Variants in CSMD1 observed in about 807,000 individuals in gnomAD.
CSMD1 encodes CUB and sushi domain-containing protein 1.
In CSMD1, 213 loss-of-function variants were observed where a neutral mutation model predicts 417.5. The observed-to-expected ratio is 0.51, with a 90% CI of 0.46 to 0.57. The LOEUF (loss-of-function observed/expected upper bound fraction) is 0.57. Among genes scored for constraint, CSMD1 ranks in the 20% least tolerant of loss-of-function variants. The pLI is 0.00. For missense variants in CSMD1, 6,923 were observed against 4,529.7 expected (o/e 1.53, Z -15.17); for synonymous variants, 2,862 against 1,736.8 (o/e 1.65, Z -16.11).
chr8:2,941,790 C>T (rs931645256), intron 69 of CSMD1, among the ~76,000 whole-genome samples: 1 of 152,134 alleles, frequency 6.6e-6, no homozygotes, highest in African/African-American at 2.4e-5. Context: ...ATCAATGAAA[C>T]ATCTATCAAT....
At chr8:3,599,736 T>C (rs938134217) in intron 8 of CSMD1, among the ~76,000 whole-genome samples, 1 of 152,210 alleles carries the variant, frequency 6.6e-6, no homozygotes, top group Non-Finnish European at 1.5e-5. Flanking sequence ...ACCTATACCT[T>C]GCACTCCTCT....
intron 69 of CSMD1, among the ~76,000 whole-genome samples, chr8:2,940,594 G>C (rs1447316792): frequency 6.6e-6 from 1 of 152,200 alleles, no homozygotes; most frequent in African/African-American, 2.4e-5. Context: ...GCATTGACAG[G>C]GAAGTTTCTA....
At chr8:3,538,578 C>A (rs1052225582) in intron 10 of CSMD1, among the ~76,000 whole-genome samples, 6 of 152,268 alleles carry the variant, frequency 3.9e-5, no homozygotes, top group Admixed American at 3.9e-4. Flanking sequence ...GTTGCCTCCC[C>A]TGTGATTGTG....
rs200568017 is a variant in CSMD1 at position 4,897,681 on chromosome 8, C to CT, written c.85+96650dup. On this transcript the variant is annotated intron_variant, in intron 1 of 69. Transcript: ENST00000635120. ...TATACAGTATCTTAAGCCAGCACAA[C>CT]TTTTTTTTACATATTACTTAAATAC... Among the ~76,000 whole-genome samples the CT allele has an allele frequency of 8.4e-4, 127 of 152,074 alleles. 5 individuals are homozygous for CT. In the East Asian group the frequency reaches 0.015, roughly 18 times the overall value.
At chr8:3,157,786 G>A (rs1002741457) in intron 39 of CSMD1, 111 bp downstream of exon 39, 81 of 833,164 alleles carry the variant, frequency 9.7e-5, no homozygotes, top group Non-Finnish European at 1.4e-4. Context: ...TATATAACAC[G>A]TGTTTTGAAA....
intron 3 of CSMD1, among the ~76,000 whole-genome samples, chr8:4,079,653 T>C (rs1344122281): frequency 6.6e-6 from 1 of 152,222 alleles, no homozygotes; most frequent in East Asian, 1.9e-4. Context: ...ACACATTGTT[T>C]CAGCGTTCTT....
chr8:4,822,486 G>A (rs1206098020), intron 1 of CSMD1, among the ~76,000 whole-genome samples: 2 of 152,050 alleles, frequency 1.3e-5, no homozygotes, highest in Non-Finnish European at 1.5e-5. Context: ...GTAACCCGAT[G>A]GAGATGTTTC....
chr8:3,510,678 A>AAAAAAATTCC (rs1563107608), intron 10 of CSMD1, among the ~76,000 whole-genome samples: 1 of 151,378 alleles, frequency 6.6e-6, no homozygotes, highest in Non-Finnish European at 1.5e-5. Flanking sequence ...TAGAGGCAGG[A>AAAAAAATTCC]TTACTTTTTA....
chr8:3,027,578 T>C (rs966048788), intron 51 of CSMD1, among the ~76,000 whole-genome samples: 22 of 152,192 alleles, frequency 1.4e-4, no homozygotes, highest in African/African-American at 5.3e-4. Flanking sequence ...CACGATGACA[T>C]TCAAGGGACA....
intron 10 of CSMD1, among the ~76,000 whole-genome samples, chr8:3,494,713 G>A (rs1002829216): frequency 4.1e-5 from 6 of 146,420 alleles, no homozygotes; most frequent in Non-Finnish European, 9.1e-5. Flanking sequence ...AGAGAGAGAT[G>A]TAACAAGAGA....
At chr8:4,082,038 G>T (rs779457041) in intron 3 of CSMD1, among the ~76,000 whole-genome samples, 8 of 152,044 alleles carry the variant, frequency 5.3e-5, no homozygotes, top group Non-Finnish European at 1.2e-4. Context: ...GAGAAATTAG[G>T]AAAGCCAAAG....
intron 10 of CSMD1, among the ~76,000 whole-genome samples, chr8:3,550,231 A>C (rs1300690207): frequency 2.6e-5 from 4 of 152,122 alleles, no homozygotes; most frequent in Non-Finnish European, 4.4e-5. Flanking sequence ...CTCTTCCTTT[A>C]GAATACATCC....
At chr8:4,898,743 T>G (rs147587412) in intron 1 of CSMD1, among the ~76,000 whole-genome samples, 3 of 152,188 alleles carry the variant, frequency 2.0e-5, no homozygotes, top group Non-Finnish European at 4.4e-5. Context: ...CTGACTTTCA[T>G]GTAAATTTAG....
At chr8:3,681,971 G>C (rs1176623611) in intron 7 of CSMD1, among the ~76,000 whole-genome samples, 5 of 152,146 alleles carry the variant, frequency 3.3e-5, no homozygotes, top group Non-Finnish European at 7.4e-5. Context: ...ATGGTGCTGG[G>C]AAAACTGGCT....
intron 7 of CSMD1, among the ~76,000 whole-genome samples, chr8:3,662,671 C>G (rs1190398110): frequency 6.6e-6 from 1 of 152,134 alleles, no homozygotes; most frequent in Non-Finnish European, 1.5e-5. Context: ...GAAGAACAAT[C>G]AGTTCATGTC....
chr8:4,177,431 G>C (rs1015162174), intron 3 of CSMD1, among the ~76,000 whole-genome samples: 25 of 152,018 alleles, frequency 1.6e-4, no homozygotes, highest in African/African-American at 5.1e-4. Context: ...ATTCAAAGCA[G>C]TGTGTAGAGG....
intron 1 of CSMD1, among the ~76,000 whole-genome samples, chr8:4,660,448 C>T (rs1284396830): frequency 1.3e-5 from 2 of 151,930 alleles, no homozygotes; most frequent in Non-Finnish European, 2.9e-5. Context: ...TCAATGATCC[C>T]AAAATTGACA....
chr8:3,703,713 T>A (rs186216923), intron 7 of CSMD1, among the ~76,000 whole-genome samples: 3 of 152,308 alleles, frequency 2.0e-5, no homozygotes, highest in East Asian at 3.9e-4. Flanking sequence ...GGCACTTTCA[T>A]CTTTCAAGTG....
At chr8:4,748,596 G>A (rs1408578758) in intron 1 of CSMD1, among the ~76,000 whole-genome samples, 1 of 152,192 alleles carries the variant, frequency 6.6e-6, no homozygotes, top group Non-Finnish European at 1.5e-5. Flanking sequence ...GACTCACGGG[G>A]AGAAATCATA....
Sources: allele counts gnomAD v4.1 joint callset (sites outside exome capture counted in the v4.1 genomes callset), GRCh38; gene constraint gnomAD v4.1.1; transcripts MANE v1.5; gene names NCBI Gene and HGNC (gene_info 2026-07-23, HGNC 2026-07-21).